Variants in LTA4H observed in about 807,000 individuals in gnomAD.
LTA4H encodes the protein leukotriene A4 hydrolase.
Under a neutral mutation model 89.8 loss-of-function variants are expected in LTA4H, and 59 were observed. The ratio of observed to expected loss-of-function variants is 0.66; its 90% CI spans 0.53 to 0.82. The LOEUF is 0.82. Ranked by LOEUF, LTA4H falls within the 40% of genes least tolerant of loss-of-function variation. The pLI, the probability that LTA4H is intolerant of heterozygous loss-of-function variation, is 0.00. For missense variants in LTA4H, 617 were observed against 727.0 expected, an observed-to-expected ratio of 0.85 and a Z score of 1.74; for synonymous variants, 227 against 253.1, an observed-to-expected ratio of 0.90 and a Z score of 0.98.
intron 17 of LTA4H, 148 bp downstream of exon 17, chr12:96,003,690 C>A: frequency 2.3e-6 from 1 of 429,828 alleles, no homozygotes; most frequent in Non-Finnish European, 4.1e-6. Flanking sequence ...TCCTTAAATA[C>A]CACTATAAGT....
chr12:96,000,938 C>T lies in LTA4H; in HGVS notation c.*51G>A, dbSNP rs773531287. ...TGAGCTGAAGTTTTATATTTCTTTA[C>T]GAATTCCATTTAAAAAAGAGAAATC... On this transcript the variant is annotated 3_prime_UTR_variant, in exon 19 of 19. Coordinates refer to ENST00000228740, the MANE Select transcript of LTA4H (RefSeq NM_000895.3). 5.6e-6 allele frequency: 7 copies of T among 1,244,806 alleles called. No homozygotes were observed. The highest frequency in any genetic ancestry group is 3.7e-5 in the South Asian group (3 of 81,800). The allele number at this position is 1,244,806 out of a possible 1,614,324, so 77.1% of individuals were successfully genotyped here. A position where few individuals can be genotyped will look rare whatever the true frequency, so the allele number is the denominator to read the frequency against.
intron 13 of LTA4H, 49 bp from the exon 14 acceptor site, chr12:96,013,307 C>CG: frequency 2.3e-6 from 3 of 1,301,558 alleles, no homozygotes; most frequent in African/African-American, 1.5e-5. Flanking sequence ...CCTTTCCTGT[C>CG]AAAAAAAAAT....
intron 15 of LTA4H, among the ~76,000 whole-genome samples, chr12:96,008,503 T>G (rs1347769966): frequency 2.0e-5 from 3 of 152,136 alleles, no homozygotes; most frequent in Non-Finnish European, 2.9e-5. Flanking sequence ...TATAAATGAT[T>G]TAAAAGGAAA....
chr12:96,001,111 CA>C lies in LTA4H; in HGVS notation c.1719-6del, dbSNP rs1565998808. On this transcript the variant is annotated splice_region_variant and splice_polypyrimidine_tract_variant and intron_variant, in intron 18 of 18. Transcript: ENST00000228740. Reference sequence around the variant, plus strand: ...TTGTCAAAGGCAGCAAGATCCCTGCCAAAAAAGAAAAAATTGAAAAGAAAGA... The same window carrying C: ...TTGTCAAAGGCAGCAAGATCCCTGCCAAAAAGAAAAAATTGAAAAGAAAGA... 1 of 1,583,128 alleles carries C rather than the reference CA, an allele frequency of 6.3e-7. No homozygotes were observed. Among genetic ancestry groups the C allele is most frequent in the Non-Finnish European group, 8.7e-7 (1 of 1,155,946 alleles).
intron 16 of LTA4H, among the ~76,000 whole-genome samples, chr12:96,004,883 T>C (rs57359627): frequency 0.012 from 1,795 of 152,202 alleles, 35 homozygotes; most frequent in African/African-American, 0.042. Flanking sequence ...CCATGTTCTC[T>C]CTCTCTGTGG....
chr12:96,015,115 C>G (rs978123287), intron 11 of LTA4H, 116 bp from the exon 12 acceptor site: 36 of 865,428 alleles, frequency 4.2e-5, no homozygotes, highest in Non-Finnish European at 6.3e-5. Flanking sequence ...GAATCTAAAA[C>G]TTGGAGACTG....
chr12:96,021,162 C>T lies in LTA4H; in HGVS notation c.586-25G>A, dbSNP rs776668091. 3.2e-6 allele frequency: 5 copies of T among 1,561,126 alleles called. No individual in the cohort carries two copies. In the South Asian group the frequency reaches 6.0e-5, roughly 19 times the overall value. Reference sequence around the variant, plus strand: ...CCTAAAGAGGGCAAACAAACGCACACCACGTGCTTGCATTAGTGTTCACAA... The same window carrying T: ...CCTAAAGAGGGCAAACAAACGCACATCACGTGCTTGCATTAGTGTTCACAA... On this transcript the variant is annotated intron_variant, in intron 5 of 18. Transcript: ENST00000228740.
At chr12:96,029,020 T>A in intron 2 of LTA4H, 35 bp downstream of exon 2, 1 of 1,498,410 alleles carries the variant, frequency 6.7e-7, no homozygotes, top group Non-Finnish European at 8.9e-7. Flanking sequence ...TCCCCATTAT[T>A]TAGCTGTAAA....
intron 2 of LTA4H, among the ~76,000 whole-genome samples, chr12:96,028,243 G>A (rs1278016490): frequency 2.0e-5 from 3 of 152,118 alleles, no homozygotes; most frequent in Non-Finnish European, 4.4e-5. Flanking sequence ...GCTGGTGTTC[G>A]AATCCTGACT....
chr12:96,000,871 C>T lies in LTA4H; in HGVS notation c.*118G>A. The T allele has an allele frequency of 1.5e-6, 1 of 687,446 alleles. No homozygotes were observed. The highest frequency in any genetic ancestry group is 2.5e-6 in the Non-Finnish European group (1 of 399,924). The allele number at this position is 687,446 out of a possible 1,614,324, so 42.6% of individuals were successfully genotyped here. A position where few individuals can be genotyped will look rare whatever the true frequency, so the allele number is the denominator to read the frequency against. Reference sequence around the variant, plus strand: ...AACTTTATTTCAGTAAAATCACCAACAAAACAATAAAAAGCCAAAACTAAA... The same window carrying T: ...AACTTTATTTCAGTAAAATCACCAATAAAACAATAAAAAGCCAAAACTAAA... On this transcript the variant is annotated 3_prime_UTR_variant, in exon 19 of 19. Coordinates refer to ENST00000228740, the MANE Select transcript of LTA4H (RefSeq NM_000895.3).
intron 1 of LTA4H, among the ~76,000 whole-genome samples, chr12:96,034,272 A>G (rs922788037): frequency 2.0e-5 from 3 of 152,242 alleles, no homozygotes; most frequent in African/African-American, 2.4e-5. Flanking sequence ...CTGTCTTTTC[A>G]TGACCCTCTT....
In LTA4H at chr12:96,022,832, ACAGATT is replaced by A. The variant is rs759628764; in HGVS notation, c.481-587_481-582del. Reference sequence around the variant, plus strand: ...TCCCTGCTCCCGCTACACTCACAAAACAGATTCAAAAGGACGTTATATACTCACTGT... The same window carrying A: ...TCCCTGCTCCCGCTACACTCACAAAACAAAAGGACGTTATATACTCACTGT... On this transcript the variant is annotated intron_variant, in intron 4 of 18. Transcript: ENST00000228740. This position sits in a 1 kb window ranked among gnomAD's most constrained non-coding sequence, Gnocchi z 4.0. 7.9e-5 allele frequency among the ~76,000 whole-genome samples: 12 copies of A among 152,172 alleles called. No individual in the cohort carries two copies. Among genetic ancestry groups the A allele is most frequent in the Non-Finnish European group, 1.6e-4 (11 of 68,026 alleles).
At chr12:96,010,758 A>G (rs1950287689) in intron 14 of LTA4H, 1 of 152,238 alleles carries the variant, frequency 6.6e-6, no homozygotes. Context: ...TTTAGTGTGG[A>G]GAGTGGCTGG....
At chr12:96,041,873 C>T (rs1359249685) in intron 1 of LTA4H, among the ~76,000 whole-genome samples, 2 of 152,106 alleles carry the variant, frequency 1.3e-5, no homozygotes, top group Non-Finnish European at 2.9e-5. Flanking sequence ...AATCTCCTGA[C>T]CTCGTGATCC....
At chr12:96,010,915 A>G (rs1950291993) in intron 14 of LTA4H, 1 of 152,222 alleles carries the variant, frequency 6.6e-6, no homozygotes, top group African/African-American at 2.4e-5. Flanking sequence ...ACAAATGATG[A>G]GAGCATTATA....
At chr12:96,012,892 A>G in intron 14 of LTA4H, 1 of 302,588 alleles carries the variant, frequency 3.3e-6, no homozygotes, top group East Asian at 5.7e-5. Flanking sequence ...TTAACATAAT[A>G]CTTATAAAAT....
At chr12:96,038,120 AGAG>A (rs1950663996), upstream of LTA4H, among the ~76,000 whole-genome samples, 1 of 152,228 alleles carries the variant, frequency 6.6e-6, no homozygotes, top group South Asian at 2.1e-4. Flanking sequence ...GCAAAAAGGT[AGAG>A]AAGAAGAAAG....
chr12:96,042,520 C>T (rs1176369069), intron 1 of LTA4H, among the ~76,000 whole-genome samples: 2 of 152,054 alleles, frequency 1.3e-5, no homozygotes, highest in African/African-American at 2.4e-5. Flanking sequence ...ATAATCACCC[C>T]AGCACCTGCA....
chr12:96,002,949 TG>T lies in LTA4H; in HGVS notation c.1718+10del, dbSNP rs750549543. On this transcript the variant is annotated intron_variant, in intron 18 of 18. Transcript: ENST00000228740. ...AGATGAATTCAAAGTACGGTCTGAG[TG>T]GGTTCTTACTTGAATAAGGGCCGGG... 7 of 1,564,804 alleles carry T rather than the reference TG, an allele frequency of 4.5e-6. No individual in the cohort carries two copies. The Admixed American group carries it at 1.1e-4, about 24-fold the overall frequency.
Sources: allele counts gnomAD v4.1 joint callset (sites outside exome capture counted in the v4.1 genomes callset), GRCh38; gene constraint gnomAD v4.1.1; non-coding constraint Gnocchi (gnomAD v3.1); transcripts MANE v1.5; gene names NCBI Gene and HGNC (gene_info 2026-07-23, HGNC 2026-07-21).